The following GLB1 variants were observed in gnomAD, a reference collection of about 807,000 sequenced individuals.
GLB1 encodes galactosidase beta 1.
GLB1 carries 56 observed loss-of-function variants against 74.0 expected under a neutral mutation model. The ratio of observed to expected loss-of-function variants is 0.76; its 90% CI spans 0.61 to 0.94. The LOEUF (loss-of-function observed/expected upper bound fraction) is 0.94, where lower values mean the gene tolerates loss of function less well. Ranked by LOEUF, GLB1 falls within the 40% of genes least tolerant of loss-of-function variation. GLB1 has a pLI of 0.00. For synonymous variants in GLB1, 323 were observed against 323.6 expected (o/e 1.00, Z 0.02); for missense variants, 787 against 845.5 (o/e 0.93, Z 0.86).
chr3:33,086,483 C>T (rs1370931279), intron 1 of GLB1, among the ~76,000 whole-genome samples: 1 of 152,132 alleles, frequency 6.6e-6, no homozygotes, highest in African/African-American at 2.4e-5. Context: ...GCAACAATCA[C>T]CAATGACTGC....
At chr3:33,015,582 T>C (rs1320551383) in intron 14 of GLB1, among the ~76,000 whole-genome samples, 1 of 152,162 alleles carries the variant, frequency 6.6e-6, no homozygotes, top group Non-Finnish European at 1.5e-5. Flanking sequence ...ACCAGGTGGC[T>C]GTATGTCAGG....
chr3:33,038,015 T>G (rs1407481134), intron 10 of GLB1: 1 of 63,584 alleles, frequency 1.6e-5, no homozygotes, highest in Non-Finnish European at 2.9e-5. Context: ...ACTGGGCGAC[T>G]CTTCAAAAAA....
intron 15 of GLB1, among the ~76,000 whole-genome samples, chr3:33,011,638 C>CA (rs11342344): frequency 0.35 from 28,965 of 83,800 alleles, 5,286 homozygotes; most frequent in East Asian, 0.7. Context: ...GAGTCCATCT[C>CA]AAAAAAAAAA....
chr3:32,994,644 G>A (rs1696276319), downstream of GLB1, among the ~76,000 whole-genome samples: 1 of 152,114 alleles, frequency 6.6e-6, no homozygotes, highest in Non-Finnish European at 1.5e-5. Context: ...TTTCTGGCCA[G>A]GCGCAGTGGC....
chr3:32,998,091 T>G (rs1188615299), intron 15 of GLB1, among the ~76,000 whole-genome samples: 1 of 152,224 alleles, frequency 6.6e-6, no homozygotes, highest in African/African-American at 2.4e-5. Context: ...ATAGGTTGCA[T>G]AAACAATTTC....
At chr3:33,072,023 T>C (rs1355147356) in intron 2 of GLB1, among the ~76,000 whole-genome samples, 4 of 152,232 alleles carry the variant, frequency 2.6e-5, no homozygotes, top group African/African-American at 7.2e-5. Context: ...CTGAAGACTC[T>C]CATGTCAGAT....
At chr3:32,998,792 G>C (rs1438283479) in intron 15 of GLB1, among the ~76,000 whole-genome samples, 2 of 152,166 alleles carry the variant, frequency 1.3e-5, no homozygotes, top group Non-Finnish European at 2.9e-5. Flanking sequence ...GCTGACACCT[G>C]CTGAGCCCTA....
intron 10 of GLB1, among the ~76,000 whole-genome samples, chr3:33,029,114 TTTGA>T (rs1697899750): frequency 2.6e-5 from 4 of 152,360 alleles, no homozygotes; most frequent in African/African-American, 9.6e-5. Context: ...TTGATACTAG[TTTGA>T]TTATCATATA....
Position 33,093,479 on chromosome 3 carries a change from G to A in GLB1, c.75+3532C>T, listed in dbSNP as rs746410764. The A allele has an allele frequency of 6.2e-7, 1 of 1,614,140 alleles. No homozygotes were observed. The highest frequency in any genetic ancestry group is 1.1e-5 in the South Asian group (1 of 91,074). On this transcript the variant is annotated intron_variant, in intron 1 of 15. Transcript: ENST00000307363. The surrounding 1 kb of genome is among the most constrained non-coding windows in gnomAD (Gnocchi z 6.0). ...AGAGGTCACCCACAATCACCGTGAT[G>A]TCTGGTTCCAGCACATTCACCATCC...
chr3:33,055,460 C>T lies in GLB1; in HGVS notation c.734-1911G>A, dbSNP rs58770571. On this transcript the variant is annotated intron_variant, in intron 6 of 15. Transcript: ENST00000307363. ...GTGGTTTTTGTCATGGTTTTCTTTT[C>T]TTTTTTTTTTTTTTTTTTGAGATGG... 3.2e-3 allele frequency among the ~76,000 whole-genome samples: 331 copies of T among 102,242 alleles called. 7 individuals carry two copies. The highest frequency in any genetic ancestry group is 9.5e-3 in the African/African-American group (268 of 28,128). The allele number at this position is 102,242 out of a possible 152,430, so 67.1% of individuals were successfully genotyped here. A position where few individuals can be genotyped will look rare whatever the true frequency, so the allele number is the denominator to read the frequency against.
intron 11 of GLB1, among the ~76,000 whole-genome samples, chr3:33,021,895 T>C (rs924759796): frequency 2.0e-5 from 3 of 152,196 alleles, no homozygotes. Context: ...AACATACCTA[T>C]TCGGAAGTCC....
chr3:32,964,709 G>T, the GLB1 span, among the ~76,000 whole-genome samples: 1 of 152,174 alleles, frequency 6.6e-6, no homozygotes, highest in Non-Finnish European at 1.5e-5. Context: ...TGATCCAAGA[G>T]AAATGAAAAC....
At chr3:33,002,701 G>A (rs978114226) in intron 15 of GLB1, among the ~76,000 whole-genome samples, 4 of 152,168 alleles carry the variant, frequency 2.6e-5, no homozygotes, top group Admixed American at 2.6e-4. Flanking sequence ...GAGCCTCTGT[G>A]CCTGGTCTCA....
chr3:33,051,908 G>T lies in GLB1; in HGVS notation c.889C>A (p.Leu297Ile). The change falls in exon 8 of 16, where the codon CTT becomes ATT. Residue 297 changes from leucine to isoleucine, a missense_variant. Transcript: ENST00000307363. Reference protein sequence around the residue: ...EAVASSLYDILARGASVNLYM... With the variant: ...EAVASSLYDIIARGASVNLYM... ...AAGTTCACACTCGCCCCACGGGCAAGTATATCATAGAGGGAGGAAGCCACT... is the reference window on the plus strand; with the variant it reads ...AAGTTCACACTCGCCCCACGGGCAATTATATCATAGAGGGAGGAAGCCACT... 9.3e-6 allele frequency: 15 copies of T among 1,614,238 alleles called. No individual in the cohort carries two copies. Among genetic ancestry groups the T allele is most frequent in the Non-Finnish European group, 1.3e-5 (15 of 1,180,042 alleles).
At chr3:32,984,974 C>A in the GLB1 span, among the ~76,000 whole-genome samples, 1 of 149,736 alleles carries the variant, frequency 6.7e-6, no homozygotes, top group Non-Finnish European at 1.5e-5. Flanking sequence ...GTGTAGTGGC[C>A]TGCATCTGTG....
chr3:33,074,377 G>GAAAGAAAGAAAGAAAGAAAGAAAGAAAGA (rs1559412898), intron 1 of GLB1, among the ~76,000 whole-genome samples: 6 of 8,184 alleles, frequency 7.3e-4, no homozygotes, highest in African/African-American at 1.2e-3. Flanking sequence ...AGGAAGGAAG[G>GAAAGAAAGAAAGAAAGAAAGAAAGAAAGA]AAGGAAGGAA....
the GLB1 span, among the ~76,000 whole-genome samples, chr3:32,989,156 T>A: frequency 6.6e-6 from 1 of 152,178 alleles, no homozygotes; most frequent in Non-Finnish European, 1.5e-5. Flanking sequence ...ATGAACCCAG[T>A]TGCCCACCAG....
intron 11 of GLB1, 137 bp downstream of exon 11, chr3:33,024,114 T>C: frequency 1.0e-6 from 1 of 972,284 alleles, no homozygotes; most frequent in Non-Finnish European, 1.5e-6. Flanking sequence ...TTTACCCCAT[T>C]AGGCTTGCAG....
chr3:33,015,030 C>T (rs866411426), intron 14 of GLB1, among the ~76,000 whole-genome samples: 3 of 152,018 alleles, frequency 2.0e-5, no homozygotes, highest in Non-Finnish European at 2.9e-5. Context: ...GGGGCATGCA[C>T]GTATAGTCCC....
Sources: gnomAD v4.1 joint callset for allele counts (sites outside exome capture counted in the v4.1 genomes callset) on GRCh38, gnomAD v4.1.1 for gene constraint, Gnocchi (gnomAD v3.1) non-coding constraint, MANE v1.5 for transcripts, NCBI Gene and HGNC (gene_info 2026-07-23, HGNC 2026-07-21) for gene names.